COL4A6: variants seen among roughly 807,000 people sequenced by gnomAD.
The protein encoded by COL4A6 is collagen type IV alpha 6 chain.
In COL4A6, 59 loss-of-function variants were observed where a neutral mutation model predicts 126.7. That is an observed-to-expected ratio of 0.47 (90% CI 0.38 to 0.58). COL4A6 has a LOEUF of 0.58. COL4A6 is among the 20% of genes least tolerant of loss of function. The pLI is 0.00. For missense variants in COL4A6, 1,285 were observed against 1,337.3 expected (o/e 0.96, Z 0.61); for synonymous variants, 547 against 496.6 (o/e 1.10, Z -1.35).
chrX:108,239,088 A>T lies in COL4A6; in HGVS notation c.145-17714T>A, dbSNP rs773598520. 4.7e-3 allele frequency among the ~76,000 whole-genome samples: 532 copies of T among 112,071 alleles called. 3 individuals are homozygous for T. Among genetic ancestry groups the T allele is most frequent in the African/African-American group, 0.016 (505 of 30,836 alleles). ...GTCGATTTACCAGAGTTCCTTGGAC[A>T]TTGTAGCTATCAATGCCTTATCAGT... is the stretch of plus-strand genomic sequence containing the variant. On this transcript the variant is annotated intron_variant, in intron 3 of 44. Coordinates refer to ENST00000334504, the MANE Select transcript of COL4A6 (RefSeq NM_033641.4).
In COL4A6 at chrX:108,194,528, C is replaced by A; in HGVS notation, c.1002+6G>T. The A allele has an allele frequency of 5.0e-6, 6 of 1,206,764 alleles. No individual in the cohort carries two copies. Among genetic ancestry groups the A allele is most frequent in the Middle Eastern group, 2.3e-4 (1 of 4,320 alleles). ...CAACCCTGGATTTTTCACTTCCCAA[C>A]ATTACCTCAATTCCTTGGAATCCAT... On this transcript the variant is annotated splice_donor_region_variant and intron_variant, in intron 16 of 44. Transcript: ENST00000334504.
intron 40 of COL4A6, 38 bp downstream of exon 40, chrX:108,164,562 C>T: frequency 4.3e-6 from 5 of 1,164,387 alleles, no homozygotes; most frequent in Admixed American, 2.2e-5. Flanking sequence ...GCCCCTCCCT[C>T]GAGCTCTGGA....
intron 3 of COL4A6, among the ~76,000 whole-genome samples, chrX:108,273,269 A>G (rs988303641): frequency 9.1e-6 from 1 of 110,464 alleles, no homozygotes; most frequent in Non-Finnish European, 1.9e-5. Context: ...TGCAAATCAA[A>G]ACCACAATGA....
intron 37 of COL4A6, among the ~76,000 whole-genome samples, chrX:108,169,181 T>C (rs1356533647): frequency 1.8e-5 from 2 of 111,666 alleles, no homozygotes; most frequent in African/African-American, 6.5e-5. Context: ...GGACAAGCCC[T>C]GTCCCTCAGG....
intron 2 of COL4A6, among the ~76,000 whole-genome samples, chrX:108,319,391 C>G (rs748528925): frequency 9.0e-6 from 1 of 111,235 alleles, no homozygotes; most frequent in Admixed American, 9.5e-5. Context: ...GATGAGATTA[C>G]CAAGGGAGTG....
At chrX:108,317,392 A>G (rs747472791) in intron 2 of COL4A6, among the ~76,000 whole-genome samples, 1 of 112,155 alleles carries the variant, frequency 8.9e-6, no homozygotes, top group South Asian at 3.7e-4. Flanking sequence ...GGAGCTGGCT[A>G]TGGAAGTCTG....
chrX:108,415,400 G>A (rs2041414991), intron 2 of COL4A6, among the ~76,000 whole-genome samples: 1 of 112,084 alleles, frequency 8.9e-6, no homozygotes, highest in South Asian at 3.7e-4. Flanking sequence ...TAGGTCACAG[G>A]ATGGGCAAGA....
chrX:108,259,655 C>T (rs190557953), intron 3 of COL4A6, among the ~76,000 whole-genome samples: 2 of 111,924 alleles, frequency 1.8e-5, no homozygotes, highest in African/African-American at 6.5e-5. Flanking sequence ...TCTAAGGTCC[C>T]TTTCAGCTCT....
At chrX:108,304,233 T>C (rs920867022) in intron 3 of COL4A6, among the ~76,000 whole-genome samples, 1 of 112,148 alleles carries the variant, frequency 8.9e-6, no homozygotes, top group Non-Finnish European at 1.9e-5. Context: ...CTAGTACATA[T>C]AATATATTCC....
intron 8 of COL4A6, 125 bp downstream of exon 8, chrX:108,209,844 A>T: frequency 1.5e-6 from 1 of 675,869 alleles, no homozygotes; most frequent in Non-Finnish European, 2.2e-6. Context: ...GACCCATTCT[A>T]CTTCAACTGT....
chrX:108,175,341 C>T (rs1206057573), intron 29 of COL4A6, 126 bp from the exon 30 acceptor site: 25 of 827,832 alleles, frequency 3.0e-5, no homozygotes, highest in Non-Finnish European at 4.1e-5. Context: ...TCTTATTCCC[C>T]ACCCCTATTC....
chrX:108,355,794 C>A (rs1384865897), intron 2 of COL4A6, among the ~76,000 whole-genome samples: 1 of 111,786 alleles, frequency 8.9e-6, no homozygotes, highest in Non-Finnish European at 1.9e-5. Flanking sequence ...GAAGGAATAA[C>A]AAAATCAGCA....
At chrX:108,275,391 T>C (rs895747635) in intron 3 of COL4A6, among the ~76,000 whole-genome samples, 3 of 112,295 alleles carry the variant, frequency 2.7e-5, no homozygotes, top group African/African-American at 9.7e-5. Context: ...ATATTTATCC[T>C]GTGTTTTCCT....
intron 2 of COL4A6, among the ~76,000 whole-genome samples, chrX:108,405,113 C>G (rs2041177306): frequency 8.9e-6 from 1 of 111,889 alleles, no homozygotes; most frequent in African/African-American, 3.2e-5. Context: ...TCCTTATCCT[C>G]TGCACCTCCT....
intron 2 of COL4A6, among the ~76,000 whole-genome samples, chrX:108,322,899 A>T (rs1266332301): frequency 8.9e-6 from 1 of 112,201 alleles, no homozygotes; most frequent in African/African-American, 3.2e-5. Flanking sequence ...CTTAAGATAT[A>T]TTTGTTATTT....
rs1423292286 is a variant in COL4A6 at position 108,214,054 on chromosome X, G to T, written c.441+58C>A. 4 of 1,000,751 alleles carry T rather than the reference G, an allele frequency of 4.0e-6. No individual in the cohort carries two copies. The East Asian group carries it at 9.2e-5, about 23-fold the overall frequency. 82.5% of individuals were successfully genotyped at this position (1,000,751 alleles called of 1,213,427 possible). ...AGGTTTCCAGAGAGGCAGAAAAAGG[G>T]CACACGTAGAGACAAGCAAAGCCAT... On this transcript the variant is annotated intron_variant, in intron 6 of 44. Coordinates refer to ENST00000334504, the MANE Select transcript of COL4A6 (RefSeq NM_033641.4).
chrX:108,340,418 T>G (rs1010896958), intron 2 of COL4A6, among the ~76,000 whole-genome samples: 9 of 111,860 alleles, frequency 8.0e-5, no homozygotes, highest in African/African-American at 2.9e-4. Context: ...GAAATTGACT[T>G]ACTTAGTTGA....
At chrX:108,308,684 A>G (rs145603307) in intron 3 of COL4A6, among the ~76,000 whole-genome samples, 439 of 112,354 alleles carry the variant, frequency 3.9e-3, no homozygotes, top group African/African-American at 0.014. Flanking sequence ...AAGGGTGTAG[A>G]AAGATGGGCA....
At chrX:108,383,696 GT>G (rs940347082) in intron 2 of COL4A6, 18 of 505,064 alleles carry the variant, frequency 3.6e-5, no homozygotes, top group Non-Finnish European at 6.1e-5. Flanking sequence ...ACAGGAGAGA[GT>G]GGTAACTTTA....
Sources: gnomAD v4.1 joint callset for allele counts (sites outside exome capture counted in the v4.1 genomes callset) on GRCh38, gnomAD v4.1.1 for gene constraint, MANE v1.5 for transcripts, NCBI Gene and HGNC (gene_info 2026-07-23, HGNC 2026-07-21) for gene names.